Variants in PAPPA observed in about 807,000 individuals in gnomAD.
The protein encoded by PAPPA is pappalysin-1.
In PAPPA, 60 loss-of-function variants were observed where a neutral mutation model predicts 164.0. The observed-to-expected ratio is 0.37, with a 90% CI of 0.30 to 0.45. PAPPA has a LOEUF of 0.45. PAPPA is among the 20% of genes least tolerant of loss of function. The pLI, the probability that PAPPA is intolerant of heterozygous loss-of-function variation, is 1.00. For synonymous variants in PAPPA, 875 were observed against 814.1 expected, an observed-to-expected ratio of 1.07 and a Z score of -1.27; for missense variants, 1,782 against 2,087.3, an observed-to-expected ratio of 0.85 and a Z score of 2.85.
At chr9:116,227,034 T>C (rs1177165921) in intron 5 of PAPPA, among the ~76,000 whole-genome samples, 2 of 152,188 alleles carry the variant, frequency 1.3e-5, no homozygotes, top group Middle Eastern at 3.2e-3. Flanking sequence ...AGGTACCTGA[T>C]AAATATTGTA....
chr9:116,239,642 T>C (rs1399486922), intron 7 of PAPPA, among the ~76,000 whole-genome samples: 1 of 152,138 alleles, frequency 6.6e-6, no homozygotes, highest in Non-Finnish European at 1.5e-5. Flanking sequence ...ACTTCTGAGG[T>C]AGGTGAAAAA....
intron 7 of PAPPA, among the ~76,000 whole-genome samples, chr9:116,245,430 T>C (rs961774): frequency 0.025 from 3,755 of 152,262 alleles, 128 homozygotes; most frequent in East Asian, 0.11. Context: ...TGCCCTGGTA[T>C]TCTGTGAAGA....
intron 9 of PAPPA, among the ~76,000 whole-genome samples, chr9:116,298,143 G>A (rs1435633757): frequency 1.3e-5 from 2 of 152,170 alleles, no homozygotes; most frequent in East Asian, 1.9e-4. Context: ...TGGGAATAAC[G>A]ATCTCTGTGC....
chr9:116,383,830 G>A (rs1156509070), intron 21 of PAPPA, among the ~76,000 whole-genome samples: 1 of 152,080 alleles, frequency 6.6e-6, no homozygotes, highest in African/African-American at 2.4e-5. Flanking sequence ...CACTGAAGAC[G>A]TACAATTTTT....
chr9:116,305,471 TCA>T (rs56326167), intron 10 of PAPPA, among the ~76,000 whole-genome samples: 128,083 of 142,166 alleles, frequency 0.9, 58,299 homozygotes, highest in East Asian at 0.98. Flanking sequence ...TCTCTCTCTC[TCA>T]CACACACACA....
At chr9:116,265,239 A>T (rs1428823627) in intron 7 of PAPPA, among the ~76,000 whole-genome samples, 1 of 152,182 alleles carries the variant, frequency 6.6e-6, no homozygotes, top group Non-Finnish European at 1.5e-5. Context: ...CTCAAATAAG[A>T]AATTCATGAA....
rs147637323 is a variant in PAPPA, at chr9:116,291,665, T to A, written c.2954-11092T>A. Among the ~76,000 whole-genome samples, 662 of 152,276 alleles carry A rather than the reference T, an allele frequency of 4.3e-3. 3 individuals carry two copies. The highest frequency in any genetic ancestry group is 2.7e-3 in the Non-Finnish European group (187 of 68,016). On this transcript the variant is annotated intron_variant, in intron 9 of 21. Transcript: ENST00000328252. The stretch of plus-strand genomic sequence containing the variant: ...AAATTCAAGAGCTGTACAAAATCAT[T>A]CATTTATTCACTTATTCATGTATTT...
At chr9:116,206,781 T>C (rs961304610) in intron 2 of PAPPA, among the ~76,000 whole-genome samples, 2 of 152,134 alleles carry the variant, frequency 1.3e-5, no homozygotes, top group African/African-American at 4.8e-5. Flanking sequence ...GAAGTCTTCC[T>C]GGAGGAGGGA....
At chr9:116,229,280 T>C (rs1192024715) in intron 6 of PAPPA, among the ~76,000 whole-genome samples, 6 of 152,202 alleles carry the variant, frequency 3.9e-5, no homozygotes, top group Non-Finnish European at 8.8e-5. Flanking sequence ...GAGACGTTTA[T>C]AGGGTATCCT....
intron 7 of PAPPA, among the ~76,000 whole-genome samples, chr9:116,236,146 A>G (rs1436739418): frequency 6.6e-6 from 1 of 152,164 alleles, no homozygotes; most frequent in Non-Finnish European, 1.5e-5. Context: ...GTGAATATCA[A>G]CTTTAACAGC....
At position 116,154,555 on chromosome 9, in the gene PAPPA, AG is replaced by A; in HGVS notation, c.389del (p.Gly130AlafsTer7). 13 of 1,405,868 alleles carry A rather than the reference AG, an allele frequency of 9.2e-6. No individual in the cohort carries two copies. The highest frequency in any genetic ancestry group is 6.0e-5 in the South Asian group (4 of 66,840). The allele number at this position is 1,405,868 out of a possible 1,614,324, so 87.1% of individuals were successfully genotyped here. ...AFTLQVWLRA[E>X]GGQRSPAVIT... ...ACGCTGCAAGTGTGGCTGCGAGCGG[AG>A]GGGGGCCAGAGGTCTCCGGCAGTGA... On this transcript the variant is annotated frameshift_variant, in exon 1 of 22. Coordinates refer to ENST00000328252, the MANE Select transcript of PAPPA (RefSeq NM_002581.5). LOFTEE classifies it high-confidence loss of function. The surrounding 1 kb of genome is among the most constrained non-coding windows in gnomAD (Gnocchi z 5.2).
rs1564168109 is a variant in PAPPA, at chr9:116,154,285, C to G, written c.113C>G (p.Pro38Arg). The G allele has an allele frequency of 1.8e-5, 18 of 983,736 alleles. No homozygotes were observed. Among genetic ancestry groups the G allele is most frequent in the East Asian group, 1.0e-4 (1 of 9,650 alleles). The allele number at this position is 983,736 out of a possible 1,614,324, so 60.9% of individuals were successfully genotyped here. The change falls in exon 1 of 22, where the codon CCG becomes CGG. Residue 38 changes from proline (P) to arginine (R), a missense_variant. Physicochemically the swap from Pro to Arg is moderately radical, Grantham distance 103. Coordinates refer to ENST00000328252, the MANE Select transcript of PAPPA (RefSeq NM_002581.5). This position sits in a 1 kb window ranked among gnomAD's most constrained non-coding sequence, Gnocchi z 5.2. The stretch of plus-strand genomic sequence containing the variant: ...AGAGACCCGCGGGCCGGCCGACCCC[C>G]GCGCCCCGCCGCCGGCCCGGCCACC... Reference protein sequence around the residue: ...ARRDPRAGRPPRPAAGPATCA... With the variant: ...ARRDPRAGRPRRPAAGPATCA...
At chr9:116,301,993 A>C (rs1024490379) in intron 9 of PAPPA, among the ~76,000 whole-genome samples, 10 of 152,198 alleles carry the variant, frequency 6.6e-5, no homozygotes, top group African/African-American at 2.4e-4. Context: ...AACAACCCCC[A>C]GTTTGCCTCT....
At chr9:116,228,221 G>T (rs747822142) in intron 6 of PAPPA, among the ~76,000 whole-genome samples, 14 of 152,168 alleles carry the variant, frequency 9.2e-5, no homozygotes, top group Non-Finnish European at 1.8e-4. Context: ...CCAAATGCTT[G>T]TTGTCACACT....
chr9:116,273,760 C>T (rs1478054029), intron 9 of PAPPA, among the ~76,000 whole-genome samples: 12 of 151,972 alleles, frequency 7.9e-5, no homozygotes, highest in Admixed American at 6.5e-4. Context: ...GGTGACAGAG[C>T]GAGACCCTGT....
chr9:116,402,103 AT>A lies in PAPPA; in HGVS notation c.*5493del, dbSNP rs1161592907. 1 of 152,232 alleles carries A rather than the reference AT, an allele frequency of 6.6e-6. No homozygotes were observed. The highest frequency in any genetic ancestry group is 1.5e-5 in the Non-Finnish European group (1 of 67,928). 9.4% of individuals were successfully genotyped at this position (152,232 alleles called of 1,614,324 possible). A position where few individuals can be genotyped will look rare whatever the true frequency, so the allele number is the denominator to read the frequency against. On this transcript the variant is annotated 3_prime_UTR_variant, in exon 22 of 22. Transcript: ENST00000328252. ...ATTTACACAATTGTTCATCTAATTT[AT>A]TTTTTCTATACAGTTTTAAATACTC...
intron 12 of PAPPA, 115 bp from the exon 13 acceptor site, chr9:116,334,746 C>T (rs1435176537): frequency 1.4e-6 from 1 of 689,688 alleles, no homozygotes; most frequent in African/African-American, 1.8e-5. Context: ...CCCAATGGTG[C>T]TTTTGTGCAG....
In PAPPA at chr9:116,214,289, G is replaced by T. The variant is rs928203255; in HGVS notation, c.1918+2357G>T. Among the ~76,000 whole-genome samples, 5 of 152,112 alleles carry T rather than the reference G, an allele frequency of 3.3e-5. No homozygotes were observed. In the East Asian group the frequency reaches 9.6e-4, roughly 29 times the overall value. Reference sequence around the variant, plus strand: ...TTAGCTCAGGCCTGCAGTAATTCTTGAGTACGTGTGACATGCCGGACACTG... The same window carrying T: ...TTAGCTCAGGCCTGCAGTAATTCTTTAGTACGTGTGACATGCCGGACACTG... On this transcript the variant is annotated intron_variant, in intron 4 of 21. Transcript: ENST00000328252.
intron 3 of PAPPA, 70 bp downstream of exon 3, chr9:116,207,671 A>C: frequency 8.7e-7 from 1 of 1,147,666 alleles, no homozygotes; most frequent in South Asian, 1.8e-5. Flanking sequence ...GATGATGATC[A>C]TTGTTACGAT....
Sources: gnomAD v4.1 joint callset for allele counts (sites outside exome capture counted in the v4.1 genomes callset) on GRCh38, gnomAD v4.1.1 for gene constraint, Gnocchi (gnomAD v3.1) non-coding constraint, MANE v1.5 for transcripts, NCBI Gene and HGNC (gene_info 2026-07-23, HGNC 2026-07-21) for gene names.